The following RGL1 variants were observed in gnomAD, a reference collection of about 807,000 sequenced individuals.
The protein encoded by RGL1 is ral guanine nucleotide dissociation stimulator like 1.
In RGL1, 24 loss-of-function variants were observed where a neutral mutation model predicts 95.2. The ratio of observed to expected loss-of-function variants is 0.25; its 90% CI spans 0.18 to 0.35. The LOEUF (loss-of-function observed/expected upper bound fraction) is 0.35, where lower values mean the gene tolerates loss of function less well. RGL1 is among the 10% of genes least tolerant of loss of function. The probability of loss-of-function intolerance (pLI) is 1.00; values close to 1 mark genes in which losing one functional copy is unlikely to be tolerated. For synonymous variants in RGL1, 329 were observed against 344.9 expected (o/e 0.95, Z 0.51); for missense variants, 715 against 936.3 (o/e 0.76, Z 3.08).
intron 2 of RGL1, among the ~76,000 whole-genome samples, chr1:183,762,141 T>G (rs1558193194): frequency 6.6e-6 from 1 of 152,232 alleles, no homozygotes; most frequent in Non-Finnish European, 1.5e-5. Flanking sequence ...ATTTTAAATT[T>G]CCTTCAAGAA....
intron 14 of RGL1, 75 bp from the exon 15 acceptor site, chr1:183,912,007 A>T: frequency 1.5e-6 from 2 of 1,331,344 alleles, no homozygotes; most frequent in South Asian, 2.7e-5. Flanking sequence ...GGGCTTAATC[A>T]ACACAAAATA....
intron 1 of RGL1, among the ~76,000 whole-genome samples, chr1:183,665,850 T>A (rs1458074919): frequency 1.3e-5 from 2 of 152,164 alleles, no homozygotes. Flanking sequence ...GGTTTAATGA[T>A]TTTCTCCATT....
rs537171179 is a variant in RGL1 at position 183,789,261 on chromosome 1, T to C, written c.133-17114T>C. 3.3e-5 allele frequency among the ~76,000 whole-genome samples: 5 copies of C among 151,708 alleles called. 1 individual carries two copies. Among genetic ancestry groups the C allele is most frequent in the South Asian group, 4.2e-4 (2 of 4,810 alleles). The stretch of plus-strand genomic sequence containing the variant: ...GAGTTCGAGAGCAGCCTGGCCAACA[T>C]AGTGAAATCCTGTCTCTACTAAAAA... On this transcript the variant is annotated intron_variant, in intron 2 of 18. Coordinates refer to the RGL1 transcript ENST00000304685.
chr1:183,703,468 T>G (rs1460329521), intron 1 of RGL1, among the ~76,000 whole-genome samples: 3 of 152,220 alleles, frequency 2.0e-5, no homozygotes, highest in African/African-American at 4.8e-5. Context: ...ACCAGCATTT[T>G]AAATCCTCTT....
chr1:183,655,737 T>G (rs76039565), intron 1 of RGL1, among the ~76,000 whole-genome samples: 1,979 of 152,322 alleles, frequency 0.013, 53 homozygotes, highest in African/African-American at 0.046. Flanking sequence ...CACCACAGAC[T>G]TTCTCTTAGA....
intron 4 of RGL1, among the ~76,000 whole-genome samples, chr1:183,866,985 C>T (rs925995633): frequency 6.6e-6 from 1 of 152,086 alleles, no homozygotes; most frequent in African/African-American, 2.4e-5. Context: ...AAGAGGAGGC[C>T]AGATGCTTCC....
intron 1 of RGL1, among the ~76,000 whole-genome samples, chr1:183,644,242 G>C (rs537346710): frequency 6.6e-6 from 1 of 152,284 alleles, no homozygotes; most frequent in African/African-American, 2.4e-5. Flanking sequence ...TTAACGCTCA[G>C]CTCAGCCTTT....
At chr1:183,877,416 T>C (rs1666562622) in intron 4 of RGL1, among the ~76,000 whole-genome samples, 1 of 152,224 alleles carries the variant, frequency 6.6e-6, no homozygotes, top group African/African-American at 2.4e-5. Context: ...TTTTTTGAAA[T>C]CTTAAAAGTT....
intron 1 of RGL1, among the ~76,000 whole-genome samples, chr1:183,687,610 A>G (rs982895009): frequency 6.6e-6 from 1 of 152,172 alleles, no homozygotes; most frequent in South Asian, 2.1e-4. Context: ...GTGCTTTCTC[A>G]GAGAAGCAAG....
chr1:183,921,188 T>C (rs1044517261), intron 16 of RGL1, among the ~76,000 whole-genome samples: 3 of 152,340 alleles, frequency 2.0e-5, no homozygotes, highest in African/African-American at 2.4e-5. Flanking sequence ...AACATCAGAA[T>C]TGGGGACGAG....
chr1:183,666,543 A>G (rs6688641), intron 1 of RGL1, among the ~76,000 whole-genome samples: 12,392 of 151,744 alleles, frequency 0.082, 987 homozygotes, highest in African/African-American at 0.21. Context: ...AATTGAGATG[A>G]GGTTTCACCA....
chr1:183,849,779 C>T (rs1230204727), intron 3 of RGL1, among the ~76,000 whole-genome samples: 5 of 152,176 alleles, frequency 3.3e-5, no homozygotes, highest in Non-Finnish European at 4.4e-5. Flanking sequence ...AGAGCCGCTG[C>T]GCCCAGCAAA....
intron 4 of RGL1, among the ~76,000 whole-genome samples, chr1:183,868,400 T>C (rs1665963495): frequency 6.6e-6 from 1 of 152,188 alleles, no homozygotes; most frequent in Non-Finnish European, 1.5e-5. Context: ...AAGGTGATTT[T>C]TCAGAATGGG....
intron 15 of RGL1, 36 bp from the exon 16 acceptor site, chr1:183,916,411 A>T: frequency 1.9e-6 from 3 of 1,608,192 alleles, no homozygotes; most frequent in Non-Finnish European, 2.6e-6. Flanking sequence ...CCAGCGTTCT[A>T]ATCTGTTTTC....
chr1:183,699,638 G>A (rs184073718), intron 1 of RGL1, among the ~76,000 whole-genome samples: 54 of 152,036 alleles, frequency 3.6e-4, no homozygotes, highest in Admixed American at 9.8e-4. Context: ...TAAATCAATC[G>A]TATGTGCAGG....
intron 1 of RGL1, among the ~76,000 whole-genome samples, chr1:183,717,612 G>C (rs946825524): frequency 7.2e-5 from 11 of 152,142 alleles, no homozygotes; most frequent in African/African-American, 2.7e-4. Context: ...TTTGCCCTAA[G>C]AGAAAATTCT....
At chr1:183,904,195 G>A (rs1033257283) in intron 12 of RGL1, among the ~76,000 whole-genome samples, 1 of 152,090 alleles carries the variant, frequency 6.6e-6, no homozygotes, top group African/African-American at 2.4e-5. Context: ...ATCCAAATAA[G>A]TATAAATAAT....
chr1:183,814,810 A>G (rs1661973944), intron 2 of RGL1, among the ~76,000 whole-genome samples: 1 of 152,220 alleles, frequency 6.6e-6, no homozygotes, highest in Non-Finnish European at 1.5e-5. Flanking sequence ...GTTATGTGCC[A>G]TTCTTATTAT....
rs79984346 is a variant in RGL1 at position 183,818,788 on chromosome 1, G to A, written c.138+12303G>A. Among the ~76,000 whole-genome samples, 799 of 152,122 alleles carry A rather than the reference G, an allele frequency of 5.3e-3. 10 individuals carry two copies. Among genetic ancestry groups the A allele is most frequent in the African/African-American group, 0.019 (776 of 41,488 alleles). ...TTTAGTGACTTTTTTTTGGTATTTG[G>A]TAATATTGTAAGTTCCATTTTTTGA... On this transcript the variant is annotated intron_variant, in intron 2 of 17. Coordinates refer to ENST00000360851, the MANE Select transcript of RGL1 (RefSeq NM_001297671.3).
Sources: allele counts gnomAD v4.1 joint callset (sites outside exome capture counted in the v4.1 genomes callset), GRCh38; gene constraint gnomAD v4.1.1; transcripts MANE v1.5; gene names NCBI Gene and HGNC (gene_info 2026-07-23, HGNC 2026-07-21).